The following LRRTM4 variants were observed in gnomAD, a reference collection of about 807,000 sequenced individuals.
LRRTM4 encodes the protein leucine rich repeat transmembrane neuronal 4.
In LRRTM4, 25 loss-of-function variants were observed where a neutral mutation model predicts 47.6. The ratio of observed to expected loss-of-function variants is 0.53; its 90% CI spans 0.38 to 0.73. The LOEUF (loss-of-function observed/expected upper bound fraction) is 0.73. LRRTM4 is among the 30% of genes least tolerant of loss of function. LRRTM4 has a pLI of 0.00. For missense variants in LRRTM4, 638 were observed against 713.4 expected (o/e 0.89, Z 1.20); for synonymous variants, 311 against 269.5 (o/e 1.15, Z -1.51).
At chr2:77,152,874 G>A in intron 3 of LRRTM4, among the ~76,000 whole-genome samples, 1 of 152,080 alleles carries the variant, frequency 6.6e-6, no homozygotes, top group East Asian at 1.9e-4. Flanking sequence ...TAAGTACAAT[G>A]TGGAATATTT....
At chr2:77,429,613 T>C (rs1239062537) in intron 3 of LRRTM4, among the ~76,000 whole-genome samples, 1 of 151,854 alleles carries the variant, frequency 6.6e-6, no homozygotes, top group African/African-American at 2.4e-5. Context: ...GAAAGAAAAA[T>C]ACCACATAGT....
At chr2:77,181,453 A>G (rs2103857199) in intron 3 of LRRTM4, among the ~76,000 whole-genome samples, 1 of 152,258 alleles carries the variant, frequency 6.6e-6, no homozygotes, top group South Asian at 2.1e-4. Context: ...AAAAGCAACA[A>G]ATGACTTAGA....
intron 3 of LRRTM4, among the ~76,000 whole-genome samples, chr2:77,202,456 A>G (rs1674003546): frequency 6.6e-6 from 1 of 152,102 alleles, no homozygotes; most frequent in Admixed American, 6.6e-5. Flanking sequence ...TACACGCTTT[A>G]ACGTATATGT....
chr2:76,759,675 G>C (rs975260081), intron 3 of LRRTM4, among the ~76,000 whole-genome samples: 20 of 151,988 alleles, frequency 1.3e-4, no homozygotes, highest in Non-Finnish European at 2.6e-4. Flanking sequence ...AGACTTCGTT[G>C]TATTTCTCAA....
Position 76,825,751 on chromosome 2 carries a change from T to C in LRRTM4, c.1552-76835A>G, listed in dbSNP as rs565652388. Among the ~76,000 whole-genome samples the C allele has an allele frequency of 2.0e-5, 3 of 151,058 alleles. No individual in the cohort carries two copies. The South Asian group carries it at 6.2e-4, about 31-fold the overall frequency. On this transcript the variant is annotated intron_variant, in intron 3 of 3. Coordinates refer to ENST00000409884, the MANE Select transcript of LRRTM4 (RefSeq NM_001134745.3). The stretch of plus-strand genomic sequence containing the variant: ...CGAATGAGGTCACTTAGGGAGAGAG[T>C]GCAAAGGTCGAGCTGCAGAAGGTTT...
intron 3 of LRRTM4, among the ~76,000 whole-genome samples, chr2:76,941,464 T>A (rs934379442): frequency 1.3e-5 from 2 of 152,006 alleles, no homozygotes; most frequent in Non-Finnish European, 2.9e-5. Flanking sequence ...TCCGTCCCCT[T>A]GCCCCTAATC....
At chr2:77,142,430 TAC>T (rs71381264) in intron 3 of LRRTM4, among the ~76,000 whole-genome samples, 9,458 of 144,896 alleles carry the variant, frequency 0.065, 759 homozygotes, top group African/African-American at 0.19. Context: ...CACACACACA[TAC>T]ACACACACAC....
chr2:77,139,412 C>G (rs549642339), intron 3 of LRRTM4, among the ~76,000 whole-genome samples: 1 of 152,098 alleles, frequency 6.6e-6, no homozygotes, highest in African/African-American at 2.4e-5. Flanking sequence ...AGGACTTTGA[C>G]AAAATTCAAC....
intron 3 of LRRTM4, among the ~76,000 whole-genome samples, chr2:77,174,973 A>G (rs922458553): frequency 7.9e-5 from 12 of 152,104 alleles, no homozygotes; most frequent in African/African-American, 2.7e-4. Flanking sequence ...CTTCTTAAAC[A>G]TTTATGTGGA....
intron 3 of LRRTM4, among the ~76,000 whole-genome samples, chr2:77,458,106 T>C (rs1270520750): frequency 6.6e-6 from 1 of 152,176 alleles, no homozygotes; most frequent in African/African-American, 2.4e-5. Flanking sequence ...TTCTTGCATA[T>C]GTCCAATATT....
intron 3 of LRRTM4, among the ~76,000 whole-genome samples, chr2:77,218,985 G>A (rs1386339611): frequency 1.3e-5 from 2 of 152,198 alleles, no homozygotes; most frequent in Admixed American, 6.5e-5. Flanking sequence ...GCTAGGCGCT[G>A]CCAGAGTACA....
intron 3 of LRRTM4, among the ~76,000 whole-genome samples, chr2:76,845,985 C>T (rs1279215192): frequency 6.6e-6 from 1 of 151,922 alleles, no homozygotes; most frequent in Admixed American, 6.6e-5. Flanking sequence ...TTTTTTTCAA[C>T]CCAATGCAGA....
At chr2:77,370,819 C>G (rs576477788) in intron 3 of LRRTM4, among the ~76,000 whole-genome samples, 99 of 151,634 alleles carry the variant, frequency 6.5e-4, no homozygotes, top group Non-Finnish European at 9.7e-4. Context: ...TCGCCGAGTG[C>G]CTCTTTGAAG....
At chr2:77,223,399 G>A (rs1386002595) in intron 3 of LRRTM4, among the ~76,000 whole-genome samples, 2 of 152,234 alleles carry the variant, frequency 1.3e-5, no homozygotes, top group East Asian at 3.9e-4. Flanking sequence ...CATTCAATTA[G>A]GAAAAGAGGA....
At chr2:76,960,836 A>C (rs1460181253) in intron 3 of LRRTM4, among the ~76,000 whole-genome samples, 2 of 151,518 alleles carry the variant, frequency 1.3e-5, no homozygotes, top group Non-Finnish European at 3.0e-5. Context: ...TTAAAATGAG[A>C]AATATATTTA....
intron 3 of LRRTM4, among the ~76,000 whole-genome samples, chr2:77,020,003 T>C (rs1003427901): frequency 6.6e-6 from 1 of 152,092 alleles, no homozygotes; most frequent in Non-Finnish European, 1.5e-5. Flanking sequence ...GCAAAATAGT[T>C]GGAAAATTTA....
intron 3 of LRRTM4, among the ~76,000 whole-genome samples, chr2:77,451,074 A>G (rs534624402): frequency 1.3e-5 from 2 of 152,292 alleles, no homozygotes; most frequent in South Asian, 4.1e-4. Flanking sequence ...AGAGTATCAT[A>G]TCCACATTTT....
chr2:76,789,810 A>G (rs1254699166), intron 3 of LRRTM4, among the ~76,000 whole-genome samples: 1 of 152,040 alleles, frequency 6.6e-6, no homozygotes. Context: ...TTCCCATTTT[A>G]TTATTTTTTC....
intron 3 of LRRTM4, among the ~76,000 whole-genome samples, chr2:76,914,946 T>C (rs1456090722): frequency 3.9e-5 from 6 of 152,314 alleles, no homozygotes; most frequent in Admixed American, 6.5e-5. Context: ...TAAATTAAAA[T>C]TAAATGGTAC....
Sources: gnomAD v4.1 joint callset for allele counts (sites outside exome capture counted in the v4.1 genomes callset) on GRCh38, gnomAD v4.1.1 for gene constraint, MANE v1.5 for transcripts, NCBI Gene and HGNC (gene_info 2026-07-23, HGNC 2026-07-21) for gene names.